Variants in EBLN1 observed in about 807,000 individuals in gnomAD.
EBLN1 encodes endogenous Bornavirus-like nucleoprotein 1.
A neutral mutation model predicts 0.8 loss-of-function variants in EBLN1; 1 was observed. The ratio of observed to expected loss-of-function variants is 1.32; its 90% confidence interval spans 0.47 to 6.26. The LOEUF (loss-of-function observed/expected upper bound fraction) is 6.26. Among genes scored for constraint, EBLN1 ranks in the 30% most tolerant of loss-of-function variants. EBLN1 has a pLI of 0.15. For missense variants in EBLN1, 396 were observed against 447.9 expected, an observed-to-expected ratio of 0.88 and a Z score of 1.05; for synonymous variants, 158 against 158.5, an observed-to-expected ratio of 1.00 and a Z score of 0.02.
chr10:22,209,301 AC>A lies in EBLN1; in HGVS notation c.682del (p.Val228LeufsTer7). 2.5e-6 allele frequency: 4 copies of A among 1,598,264 alleles called. No homozygotes were observed. The highest frequency in any genetic ancestry group is 2.5e-6 in the Non-Finnish European group (3 of 1,179,130). On this transcript the variant is annotated frameshift_variant, in exon 3 of 3. Coordinates refer to ENST00000422359, the MANE Select transcript of EBLN1 (RefSeq NM_001394757.1). LOFTEE classifies it low-confidence loss of function (END_TRUNC). ...ACELLDQVKV[V>X]ASKAQMMTYY... Reference sequence around the variant, plus strand: ...GGTCATCATCTGTGCTTTGCTGGCAACTACTTTAACTTGATCAAGTAGCTCG... The same window carrying A: ...GGTCATCATCTGTGCTTTGCTGGCAATACTTTAACTTGATCAAGTAGCTCG...
intron 1 of EBLN1, among the ~76,000 whole-genome samples, chr10:22,215,479 C>G (rs901096241): frequency 2.0e-5 from 3 of 151,990 alleles, no homozygotes; most frequent in African/African-American, 7.2e-5. Flanking sequence ...CAAAGAAATA[C>G]AAATTAAAGC....
chr10:22,214,223 T>A (rs916780533), intron 1 of EBLN1, among the ~76,000 whole-genome samples: 7 of 151,888 alleles, frequency 4.6e-5, no homozygotes, highest in Admixed American at 1.3e-4. Flanking sequence ...TATAGAAAAA[T>A]TACAAGAAAA....
At chr10:22,216,767 T>C (rs1210791553) in intron 1 of EBLN1, among the ~76,000 whole-genome samples, 1 of 152,364 alleles carries the variant, frequency 6.6e-6, no homozygotes, top group Non-Finnish European at 1.5e-5. Flanking sequence ...AAACGGAGTA[T>C]AAATCTTCAG....
In EBLN1 at chr10:22,208,788, T is replaced by G; in HGVS notation, c.*95A>C. On this transcript the variant is annotated 3_prime_UTR_variant, in exon 3 of 3. Transcript: ENST00000422359. ...ATAGATGTCAGAGACAGACCAAGAT[T>G]GAAAACAATAGGCAACACTCAGATA... 1 of 1,328,274 alleles carries G rather than the reference T, an allele frequency of 7.5e-7. No homozygotes were observed. The highest frequency in any genetic ancestry group is 9.9e-7 in the Non-Finnish European group (1 of 1,007,662). 82.3% of individuals were successfully genotyped at this position (1,328,274 alleles called of 1,614,324 possible). A position where few individuals can be genotyped will look rare whatever the true frequency, so the allele number is the denominator to read the frequency against.
Position 22,209,084 on chromosome 10 carries a change from G to T in EBLN1, c.900C>A (p.Asn300Lys), listed in dbSNP as rs1834719886. The T allele has an allele frequency of 1.3e-6, 2 of 1,536,640 alleles. No homozygotes were observed. The highest frequency in any genetic ancestry group is 1.2e-5 in the South Asian group (1 of 84,060). ...CCCAGTAGTTTGCTGCTGTTGCTAG[G>T]TTTGGGAACATTTGTGGTGATAGCA... Reference protein sequence around the residue: ...IGVLSPQMFPNLATAANYWAK... With the variant: ...IGVLSPQMFPKLATAANYWAK... The change falls in exon 3 of 3, where the codon AAC becomes AAA. Residue 300 changes from asparagine (N) to lysine (K), a missense_variant. Asn to Lys is a moderately conservative substitution (Grantham distance 94, BLOSUM62 0). Coordinates refer to ENST00000422359, the MANE Select transcript of EBLN1 (RefSeq NM_001394757.1).
At position 22,209,165 on chromosome 10, in the gene EBLN1, C is replaced by G. The variant is rs1232554222; in HGVS notation, c.819G>C (p.Lys273Asn). The G allele has an allele frequency of 1.3e-6, 2 of 1,535,692 alleles. No homozygotes were observed. Among genetic ancestry groups the G allele is most frequent in the Non-Finnish European group, 1.7e-6 (2 of 1,146,946 alleles). The change falls in exon 3 of 3, where the codon AAG becomes AAC. Residue 273 changes from lysine (K) to asparagine (N), a missense_variant. Coordinates refer to ENST00000422359, the MANE Select transcript of EBLN1 (RefSeq NM_001394757.1). ...CAAATTCAAAGAAATCTCCAAGTACCTTTTTAGCCAGTGGTTTCTTCTGCT... is the reference window on the plus strand; with the variant it reads ...CAAATTCAAAGAAATCTCCAAGTACGTTTTTAGCCAGTGGTTTCTTCTGCT... ...VFEQKKPLAK[K>N]VLGDFFEFGG...
intron 1 of EBLN1, among the ~76,000 whole-genome samples, chr10:22,214,246 T>C (rs1445152843): frequency 6.6e-6 from 1 of 151,892 alleles, no homozygotes; most frequent in African/African-American, 2.4e-5. Context: ...TACATTAATG[T>C]GATTCAAACT....
intron 1 of EBLN1, among the ~76,000 whole-genome samples, chr10:22,214,856 T>A (rs186458171): frequency 6.6e-6 from 1 of 152,138 alleles, no homozygotes; most frequent in Admixed American, 6.6e-5. Context: ...ATAGAAGCAT[T>A]ATTTATAACA....
rs1344088439 is a variant in EBLN1, at chr10:22,209,126, G to A, written c.858C>T (p.Arg286=). Residue 286 remains arginine, a synonymous_variant, in exon 3 of 3, where the codon CGC becomes CGT. Coordinates refer to ENST00000422359, the MANE Select transcript of EBLN1 (RefSeq NM_001394757.1). The part of the protein sequence containing the change: ...GDFFEFGGVL[R]HPVIGVLSPQ... ...GTGATAGCACCCCAATAACAGGGTGGCGAAGTACACCCCCAAATTCAAAGA... is the reference window on the plus strand; with the variant it reads ...GTGATAGCACCCCAATAACAGGGTGACGAAGTACACCCCCAAATTCAAAGA... The A allele has an allele frequency of 1.3e-6, 2 of 1,535,994 alleles. No homozygotes were observed. Among genetic ancestry groups the A allele is most frequent in the East Asian group, 2.4e-5 (1 of 40,936 alleles).
chr10:22,216,764 G>A (rs1161896453), intron 1 of EBLN1, among the ~76,000 whole-genome samples: 1 of 152,178 alleles, frequency 6.6e-6, no homozygotes, highest in East Asian at 1.9e-4. Flanking sequence ...ATTAAACGGA[G>A]TATAAATCTT....
chr10:22,216,693 G>A (rs1349936643), intron 1 of EBLN1, among the ~76,000 whole-genome samples: 1 of 152,166 alleles, frequency 6.6e-6, no homozygotes, highest in African/African-American at 2.4e-5. Flanking sequence ...ATACAATGAA[G>A]ACTGAGGAAG....
chr10:22,209,213 A>G lies in EBLN1; in HGVS notation c.771T>C (p.Val257=). Residue 257 remains valine (V), a synonymous_variant, in exon 3 of 3, where the codon GTT becomes GTC. Coordinates refer to ENST00000422359, the MANE Select transcript of EBLN1 (RefSeq NM_001394757.1). ...CVDGSTALPA[V]VLEIPVFEQK... Reference sequence around the variant, plus strand: ...GCTCAAAAACTGGAATCTCCAACACAACAGCGGGTAAAGCAGTGGAACCAT... The same window carrying G: ...GCTCAAAAACTGGAATCTCCAACACGACAGCGGGTAAAGCAGTGGAACCAT... 6.5e-7 allele frequency: 1 copy of G among 1,541,570 alleles called. No individual in the cohort carries two copies.
intron 1 of EBLN1, among the ~76,000 whole-genome samples, 64 bp from the exon 2 acceptor site, chr10:22,213,029 T>A (rs1834766912): frequency 6.6e-6 from 1 of 151,958 alleles, no homozygotes; most frequent in Admixed American, 6.6e-5. Flanking sequence ...TGTGTTAGTC[T>A]ATACATACAG....
intron 1 of EBLN1, among the ~76,000 whole-genome samples, chr10:22,214,376 C>T (rs1326280169): frequency 2.7e-5 from 4 of 150,642 alleles, no homozygotes; most frequent in East Asian, 1.9e-4. Flanking sequence ...CATGGTTCAC[C>T]GCTGCTGCAA....
At chr10:22,212,761 G>T (rs1834764318) in intron 2 of EBLN1, among the ~76,000 whole-genome samples, 81 bp downstream of exon 2, 1 of 151,188 alleles carries the variant, frequency 6.6e-6, no homozygotes. Flanking sequence ...ACCAGCCTGG[G>T]CAATACAGCA....
chr10:22,213,791 T>C (rs1834771712), intron 1 of EBLN1, among the ~76,000 whole-genome samples: 1 of 152,192 alleles, frequency 6.6e-6, no homozygotes. Flanking sequence ...ATTCCAACAG[T>C]ATTTAGAAAA....
rs1305137205 is a variant in EBLN1, at chr10:22,208,861, T to C, written c.*22A>G. Reference sequence around the variant, plus strand: ...CATAATTTCTTTTTATATGTATATATAAGGATTAGTTCACGTATTTGTTAT... The same window carrying C: ...CATAATTTCTTTTTATATGTATATACAAGGATTAGTTCACGTATTTGTTAT... On this transcript the variant is annotated 3_prime_UTR_variant, in exon 3 of 3. Coordinates refer to ENST00000422359, the MANE Select transcript of EBLN1 (RefSeq NM_001394757.1). 6.7e-7 allele frequency: 1 copy of C among 1,493,398 alleles called. No homozygotes were observed. The highest frequency in any genetic ancestry group is 2.5e-5 in the East Asian group (1 of 40,584). The allele number at this position is 1,493,398 out of a possible 1,614,324, so 92.5% of individuals were successfully genotyped here. A position where few individuals can be genotyped will look rare whatever the true frequency, so the allele number is the denominator to read the frequency against.
Position 22,209,563 on chromosome 10 carries a change from A to G in EBLN1, c.421T>C (p.Cys141Arg), listed in dbSNP as rs1327129837. ...CCGGCAGCAATGCCTATCAGATCAC[A>G]GCAGTGACGCAGAATTGATGACATC... The part of the protein sequence containing the change: ...LEMSSILRHC[C>R]DLIGIAAGSS... Residue 141 changes from cysteine (C) to arginine (R), a missense_variant, in exon 3 of 3, where the codon TGT becomes CGT. By Grantham distance (180) the Cys-to-Arg change is radical (BLOSUM62 -3). Coordinates refer to ENST00000422359, the MANE Select transcript of EBLN1 (RefSeq NM_001394757.1). The G allele has an allele frequency of 6.5e-7, 1 of 1,540,830 alleles. No homozygotes were observed. The highest frequency in any genetic ancestry group is 1.2e-5 in the South Asian group (1 of 84,902).
intron 2 of EBLN1, among the ~76,000 whole-genome samples, 69 bp downstream of exon 2, chr10:22,212,773 G>A (rs1319858229): frequency 6.7e-6 from 1 of 150,156 alleles, no homozygotes; most frequent in Non-Finnish European, 1.5e-5. Context: ...AATACAGCAG[G>A]ACACCATCTC....
Sources: gnomAD v4.1 joint callset for allele counts (sites outside exome capture counted in the v4.1 genomes callset) on GRCh38, gnomAD v4.1.1 for gene constraint, MANE v1.5 for transcripts, NCBI Gene and HGNC (gene_info 2026-07-23, HGNC 2026-07-21) for gene names.